The following CRY2 variants were observed in gnomAD, a reference collection of about 807,000 sequenced individuals.
The protein encoded by CRY2 is cryptochrome circadian regulator 2.
Under a neutral mutation model 69.5 loss-of-function variants are expected in CRY2, and 31 were observed. The ratio of observed to expected loss-of-function variants is 0.45; its 90% CI spans 0.34 to 0.60. The LOEUF is 0.60. CRY2 is among the 20% of genes least tolerant of loss of function. The pLI is 0.02. For missense variants in CRY2, 606 were observed against 797.8 expected (o/e 0.76, Z 2.90); for synonymous variants, 303 against 312.2 (o/e 0.97, Z 0.31).
chr11:45,862,763 C>T (rs1260061499), intron 5 of CRY2, among the ~76,000 whole-genome samples: 1 of 152,140 alleles, frequency 6.6e-6, no homozygotes, highest in Non-Finnish European at 1.5e-5. Context: ...TGTTGATTTC[C>T]ATATGCTTGG....
rs1443464489 is a variant in CRY2, at chr11:45,870,436, T to C, written c.1453T>C (p.Tyr485His). ...KAAKCIIGVD[Y>H]PRPIVNHAET... ...AGCCAAGTGCATCATTGGTGTGGAC[T>C]ACCCACGGCCCATCGTCAACCATGC... Residue 485 changes from tyrosine (Y) to histidine (H), a missense_variant, in exon 9 of 12, where the codon TAC becomes CAC. Physicochemically the swap from Tyr to His is moderately conservative, Grantham distance 83 (BLOSUM62 2). Transcript: ENST00000616080. 2 of 1,614,132 alleles carry C rather than the reference T, an allele frequency of 1.2e-6. No homozygotes were observed. The highest frequency in any genetic ancestry group is 1.7e-6 in the Non-Finnish European group (2 of 1,180,052).
chr11:45,868,329 T>C (rs2086347789), intron 6 of CRY2, among the ~76,000 whole-genome samples: 1 of 152,172 alleles, frequency 6.6e-6, no homozygotes, highest in Non-Finnish European at 1.5e-5. Context: ...CACCTCATCT[T>C]GTGCCTATGT....
chr11:45,862,052 C>G lies in CRY2; in HGVS notation c.653-8C>G. 1 of 1,612,028 alleles carries G rather than the reference C, an allele frequency of 6.2e-7. No individual in the cohort carries two copies. The highest frequency in any genetic ancestry group is 1.1e-5 in the South Asian group (1 of 90,636). Reference sequence around the variant, plus strand: ...ACCTCCTGTCTTGTGACCTTTCCTTCTCTTCAGGGTTCCCCACTGAAGGAC... The same window carrying G: ...ACCTCCTGTCTTGTGACCTTTCCTTGTCTTCAGGGTTCCCCACTGAAGGAC... On this transcript the variant is annotated splice_polypyrimidine_tract_variant and splice_region_variant and intron_variant, in intron 4 of 11. Transcript: ENST00000616080.
intron 1 of CRY2, 36 bp downstream of exon 1, chr11:45,847,741 C>A: frequency 6.6e-7 from 1 of 1,519,962 alleles, no homozygotes; most frequent in Admixed American, 2.0e-5. Flanking sequence ...GGGGACGCAG[C>A]CAGGACCCTG....
At position 45,870,460 on chromosome 11, in the gene CRY2, G is replaced by A; in HGVS notation, c.1477G>A (p.Ala493Thr). ...CTACCCACGGCCCATCGTCAACCAT[G>A]CCGAGACCAGCCGGCTTAACATTGA... ...VDYPRPIVNHAETSRLNIERM... is the reference protein window; with the variant it reads ...VDYPRPIVNHTETSRLNIERM... The change falls in exon 9 of 12, where the codon GCC becomes ACC. Residue 493 changes from alanine to threonine, a missense_variant. Physicochemically the swap from Ala to Thr is moderately conservative, Grantham distance 58. This residue lies in a region of CRY2 where 173 missense variants were observed against 213.7 expected (regional missense o/e 0.81). Transcript: ENST00000616080. 6.2e-7 allele frequency: 1 copy of A among 1,614,240 alleles called. No individual in the cohort carries two copies. The highest frequency in any genetic ancestry group is 2.2e-5 in the East Asian group (1 of 44,890).
chr11:45,873,344 G>A (rs1471003851), intron 11 of CRY2, among the ~76,000 whole-genome samples: 1 of 152,180 alleles, frequency 6.6e-6, no homozygotes, highest in Non-Finnish European at 1.5e-5. Flanking sequence ...CACTGAGATG[G>A]GCATTTGATG....
At chr11:45,861,821 C>A in intron 4 of CRY2, 1 of 487,272 alleles carries the variant, frequency 2.1e-6, no homozygotes, top group Admixed American at 3.7e-5. Context: ...GCAGGAGGTC[C>A]GGGATTGTTG....
chr11:45,858,600 C>G, intron 2 of CRY2, 131 bp from the exon 3 acceptor site: 6 of 1,010,056 alleles, frequency 5.9e-6, no homozygotes, highest in South Asian at 5.5e-5. Context: ...AATCCCTGTT[C>G]CTAGTTTTTT....
chr11:45,879,508 T>A (rs570061767), intron 11 of CRY2, among the ~76,000 whole-genome samples: 5 of 152,382 alleles, frequency 3.3e-5, no homozygotes, highest in Middle Eastern at 3.4e-3. Flanking sequence ...TCTAAAAGTC[T>A]TCTTCTCTAA....
upstream of CRY2, chr11:45,847,252 G>T (rs571898929): frequency 6.4e-7 from 1 of 1,551,470 alleles, no homozygotes; most frequent in East Asian, 2.4e-5. Flanking sequence ...TTGTCCGCAT[G>T]CCAGCTCCAC....
upstream of CRY2, chr11:45,847,372 C>T: frequency 6.3e-7 from 1 of 1,599,272 alleles, no homozygotes; most frequent in South Asian, 1.1e-5. Context: ...GGCTCTGGGG[C>T]CCTGTGGGCG....
chr11:45,860,596 G>C (rs909920354), intron 3 of CRY2, among the ~76,000 whole-genome samples: 1 of 152,122 alleles, frequency 6.6e-6, no homozygotes, highest in Non-Finnish European at 1.5e-5. Context: ...GCCCGGAATT[G>C]AGTCCCAGCT....
At chr11:45,860,091 C>T (rs2134635234) in intron 3 of CRY2, among the ~76,000 whole-genome samples, 1 of 152,328 alleles carries the variant, frequency 6.6e-6, no homozygotes, top group East Asian at 1.9e-4. Context: ...AATGTGGCTC[C>T]ATACCATCCC....
At chr11:45,855,148 C>T (rs372485854) in intron 1 of CRY2, among the ~76,000 whole-genome samples, 1 of 152,072 alleles carries the variant, frequency 6.6e-6, no homozygotes, top group Admixed American at 6.6e-5. Context: ...TGCCTAGCTG[C>T]GGTCTTCCCC....
chr11:45,873,011 G>T (rs776095502), intron 11 of CRY2, among the ~76,000 whole-genome samples: 6 of 152,194 alleles, frequency 3.9e-5, no homozygotes, highest in Non-Finnish European at 7.3e-5. Context: ...GCCTTTTGCG[G>T]CCTCTCCTCC....
intron 11 of CRY2, among the ~76,000 whole-genome samples, chr11:45,873,500 A>G (rs2086402645): frequency 1.3e-5 from 2 of 152,220 alleles, no homozygotes; most frequent in South Asian, 4.1e-4. Flanking sequence ...TTCATCCTGT[A>G]TTACAAATTT....
chr11:45,862,223 T>A, intron 5 of CRY2, 75 bp downstream of exon 5: 1 of 1,367,472 alleles, frequency 7.3e-7, no homozygotes, highest in Non-Finnish European at 1.0e-6. Flanking sequence ...CATGTCCATG[T>A]CCTTTAGTCC....
chr11:45,854,379 G>C (rs1362185471), intron 1 of CRY2, among the ~76,000 whole-genome samples: 2 of 152,184 alleles, frequency 1.3e-5, no homozygotes, highest in African/African-American at 4.8e-5. Flanking sequence ...TGTGCAACTA[G>C]AAATCTTTAG....
At chr11:45,852,129 T>C (rs1345668260) in intron 1 of CRY2, among the ~76,000 whole-genome samples, 2 of 152,222 alleles carry the variant, frequency 1.3e-5, no homozygotes, top group Non-Finnish European at 2.9e-5. Flanking sequence ...TGCCTCTGGC[T>C]CCAGAGCACT....
Sources: allele counts gnomAD v4.1 joint callset (sites outside exome capture counted in the v4.1 genomes callset), GRCh38; gene constraint gnomAD v4.1.1; regional missense constraint gnomAD v4.1.1; transcripts MANE v1.5; gene names NCBI Gene and HGNC (gene_info 2026-07-23, HGNC 2026-07-21).